Variants in MIS18A observed in about 807,000 individuals in gnomAD.
MIS18A encodes protein Mis18-alpha.
A neutral mutation model predicts 25.0 loss-of-function variants in MIS18A; 14 were observed. The observed-to-expected ratio is 0.56, with a 90% CI of 0.37 to 0.88. MIS18A has a LOEUF of 0.88. Among genes scored for constraint, MIS18A ranks in the 40% least tolerant of loss-of-function variants. The pLI is 0.00. For synonymous variants in MIS18A, 134 were observed against 118.6 expected (o/e 1.13, Z -0.84); for missense variants, 292 against 290.8 (o/e 1.00, Z -0.03).
At chr21:32,184,402 C>T in the MIS18A span, among the ~76,000 whole-genome samples, 1 of 152,214 alleles carries the variant, frequency 6.6e-6, no homozygotes, top group African/African-American at 2.4e-5. Context: ...AATTCTGCCA[C>T]CAAACTGAAT....
At chr21:32,273,156 G>A (rs571476102) in intron 2 of MIS18A, among the ~76,000 whole-genome samples, 14 of 150,886 alleles carry the variant, frequency 9.3e-5, no homozygotes, top group African/African-American at 3.4e-4. Flanking sequence ...GATACATAGG[G>A]CAAAGGTTAC....
the MIS18A span, among the ~76,000 whole-genome samples, chr21:32,226,297 A>G: frequency 6.6e-6 from 1 of 151,998 alleles, no homozygotes; most frequent in African/African-American, 2.4e-5. Flanking sequence ...AAAAGAAAAA[A>G]AAAAGTTTTT....
the MIS18A span, among the ~76,000 whole-genome samples, chr21:32,229,016 T>C: frequency 6.6e-6 from 1 of 151,420 alleles, no homozygotes; most frequent in Admixed American, 6.6e-5. Context: ...AGCAATCTAG[T>C]TTTTTTTTCC....
chr21:32,267,940 A>G (rs970428775), downstream of MIS18A, among the ~76,000 whole-genome samples: 4 of 152,224 alleles, frequency 2.6e-5, no homozygotes, highest in Admixed American at 1.3e-4. Flanking sequence ...AGAATCCTGC[A>G]TGATCCAGTC....
chr21:32,207,720 A>G, the MIS18A span, among the ~76,000 whole-genome samples: 1 of 152,122 alleles, frequency 6.6e-6, no homozygotes, highest in South Asian at 2.1e-4. Flanking sequence ...ATAAATATAA[A>G]GGTCTTGTTG....
the MIS18A span, among the ~76,000 whole-genome samples, chr21:32,172,194 A>T: frequency 6.6e-6 from 1 of 152,092 alleles, no homozygotes; most frequent in Non-Finnish European, 1.5e-5. Context: ...TGTTGATAGG[A>T]ATATAAATTG....
the MIS18A span, among the ~76,000 whole-genome samples, chr21:32,230,761 A>G: frequency 3.9e-5 from 6 of 152,258 alleles, no homozygotes; most frequent in African/African-American, 1.2e-4. Flanking sequence ...AAGACCTACA[A>G]GTAAGAACCA....
the MIS18A span, among the ~76,000 whole-genome samples, chr21:32,258,203 A>C: frequency 6.6e-6 from 1 of 152,220 alleles, no homozygotes; most frequent in Non-Finnish European, 1.5e-5. Context: ...TCATGAAAAC[A>C]GAAAACGACT....
the MIS18A span, among the ~76,000 whole-genome samples, chr21:32,176,461 G>C: frequency 1.3e-5 from 2 of 152,034 alleles, no homozygotes; most frequent in African/African-American, 4.8e-5. Flanking sequence ...AAAATCCCTA[G>C]GAAATCTTCA....
chr21:32,275,165 G>A (rs555625989), intron 1 of MIS18A, among the ~76,000 whole-genome samples: 8 of 152,078 alleles, frequency 5.3e-5, no homozygotes, highest in Non-Finnish European at 5.9e-5. Context: ...CTTGGGGCCA[G>A]GAGTTCGAGG....
chr21:32,275,886 C>T (rs1433904384), intron 1 of MIS18A, among the ~76,000 whole-genome samples: 2 of 152,056 alleles, frequency 1.3e-5, no homozygotes, highest in African/African-American at 4.8e-5. Context: ...GGACTACTGC[C>T]CTGGCTCTTC....
the MIS18A span, among the ~76,000 whole-genome samples, chr21:32,210,678 A>G: frequency 6.6e-6 from 1 of 152,228 alleles, no homozygotes; most frequent in South Asian, 2.1e-4. Flanking sequence ...GTTTGTGCTG[A>G]CAACTCGGGG....
At chr21:32,267,889 A>G (rs185676494), downstream of MIS18A, among the ~76,000 whole-genome samples, 28 of 152,356 alleles carry the variant, frequency 1.8e-4, 1 homozygote, top group South Asian at 1.4e-3. Context: ...GACTCACTCA[A>G]CGTTAACTGA....
the MIS18A span, among the ~76,000 whole-genome samples, chr21:32,241,979 C>G: frequency 1.3e-5 from 2 of 152,174 alleles, no homozygotes; most frequent in Non-Finnish European, 2.9e-5. Context: ...CCCGGGTTCA[C>G]GCCACTCTCC....
chr21:32,171,007 G>A, the MIS18A span, among the ~76,000 whole-genome samples: 1 of 151,926 alleles, frequency 6.6e-6, no homozygotes, highest in East Asian at 1.9e-4. Context: ...GGGCATCTAG[G>A]AAAAAACCTA....
At chr21:32,201,791 G>A in the MIS18A span, among the ~76,000 whole-genome samples, 3 of 152,090 alleles carry the variant, frequency 2.0e-5, no homozygotes, top group Admixed American at 1.3e-4. Flanking sequence ...TCCAGCCTGG[G>A]TGACAGAGCG....
the MIS18A span, among the ~76,000 whole-genome samples, chr21:32,186,054 T>G: frequency 6.6e-6 from 1 of 152,168 alleles, no homozygotes; most frequent in African/African-American, 2.4e-5. Context: ...TGTTTAATTT[T>G]GCTGCTGACA....
At chr21:32,199,338 C>T in the MIS18A span, among the ~76,000 whole-genome samples, 1 of 151,944 alleles carries the variant, frequency 6.6e-6, no homozygotes, top group Admixed American at 6.6e-5. Flanking sequence ...GGAGTTGGGG[C>T]TACCTTTGCT....
At chr21:32,237,114 C>T in the MIS18A span, among the ~76,000 whole-genome samples, 3 of 137,700 alleles carry the variant, frequency 2.2e-5, no homozygotes, top group East Asian at 2.3e-4. Context: ...GCAGAAGTGA[C>T]GTGTGTTGCT....
Sources: gnomAD v4.1 joint callset for allele counts (sites outside exome capture counted in the v4.1 genomes callset) on GRCh38, gnomAD v4.1.1 for gene constraint, MANE v1.5 for transcripts, NCBI Gene and HGNC (gene_info 2026-07-23, HGNC 2026-07-21) for gene names.